VKORC1L1: variants seen among roughly 807,000 people sequenced by gnomAD.
The protein encoded by VKORC1L1 is vitamin K epoxide reductase complex subunit 1L1, also known as vitamin K epoxide reductase complex subunit 1-like protein 1.
In VKORC1L1, 2 loss-of-function variants were observed where a neutral mutation model predicts 18.9. The ratio of observed to expected loss-of-function variants is 0.11; its 90% CI spans 0.04 to 0.33. The LOEUF is 0.33. Ranked by LOEUF, VKORC1L1 falls within the 10% of genes least tolerant of loss-of-function variation. The pLI is 1.00. For missense variants in VKORC1L1, 123 were observed against 224.1 expected (o/e 0.55, Z 2.88); for synonymous variants, 96 against 100.0 (o/e 0.96, Z 0.24).
At chr7:65,905,064 TACAC>T (rs1419931882) in intron 1 of VKORC1L1, among the ~76,000 whole-genome samples, 1 of 151,994 alleles carries the variant, frequency 6.6e-6, no homozygotes, top group Non-Finnish European at 1.5e-5. Context: ...CCTACATACA[TACAC>T]ACACATATGC....
chr7:65,885,204 C>T lies in VKORC1L1; in HGVS notation c.194+11639C>T, dbSNP rs548820667. 2.1e-3 allele frequency among the ~76,000 whole-genome samples: 327 copies of T among 152,182 alleles called. 1 individual carries two copies. The highest frequency in any genetic ancestry group is 3.6e-3 in the Non-Finnish European group (247 of 68,004). ...AATTTTGCATTTCTTCTGGATATTG[C>T]CTGTTCATACCTTTGCCCATTTTTT... On this transcript the variant is annotated intron_variant, in intron 1 of 2. Transcript: ENST00000360768.
intron 1 of VKORC1L1, among the ~76,000 whole-genome samples, chr7:65,874,195 A>T (rs1053447908): frequency 6.6e-6 from 1 of 152,106 alleles, no homozygotes; most frequent in South Asian, 2.1e-4. Context: ...CCTACTGTGG[A>T]AGAAGATACC....
At chr7:65,901,337 G>A (rs1008226163) in intron 1 of VKORC1L1, among the ~76,000 whole-genome samples, 7 of 152,178 alleles carry the variant, frequency 4.6e-5, no homozygotes, top group Admixed American at 1.3e-4. Context: ...CAGCCTGGGT[G>A]AGAGTGAGAC....
chr7:65,935,167 T>C (rs755223882), intron 1 of VKORC1L1, among the ~76,000 whole-genome samples: 6 of 152,136 alleles, frequency 3.9e-5, no homozygotes, highest in Non-Finnish European at 5.9e-5. Context: ...GCATTTCTCA[T>C]AGTGCCAGTC....
chr7:65,897,492 CA>C (rs1459324346), intron 1 of VKORC1L1, among the ~76,000 whole-genome samples: 1 of 152,078 alleles, frequency 6.6e-6, no homozygotes, highest in Non-Finnish European at 1.5e-5. Context: ...TGTATTTACA[CA>C]ATGGGATATT....
chr7:65,887,137 C>T (rs1237725887), intron 1 of VKORC1L1, among the ~76,000 whole-genome samples: 2 of 152,084 alleles, frequency 1.3e-5, no homozygotes, highest in Non-Finnish European at 2.9e-5. Context: ...GCATGAGCCA[C>T]CATGCCTGGC....
intron 1 of VKORC1L1, among the ~76,000 whole-genome samples, chr7:65,914,938 C>T (rs773382751): frequency 5.9e-5 from 9 of 151,958 alleles, no homozygotes; most frequent in South Asian, 2.1e-4. Context: ...CCTAGGAGTT[C>T]GAGGCTGCAA....
intron 1 of VKORC1L1, among the ~76,000 whole-genome samples, chr7:65,939,068 C>T (rs1400577079): frequency 6.6e-6 from 1 of 152,160 alleles, no homozygotes; most frequent in Non-Finnish European, 1.5e-5. Context: ...TGGCATTAAA[C>T]AGGACACCGA....
At chr7:65,917,791 A>G (rs1457048799) in intron 1 of VKORC1L1, among the ~76,000 whole-genome samples, 1 of 152,210 alleles carries the variant, frequency 6.6e-6, no homozygotes. Flanking sequence ...TTTTGAGCCA[A>G]AATACACATA....
intron 1 of VKORC1L1, among the ~76,000 whole-genome samples, chr7:65,929,135 A>G (rs545792206): frequency 4.6e-5 from 7 of 152,194 alleles, no homozygotes; most frequent in Non-Finnish European, 1.0e-4. Context: ...AGGGCTGGGC[A>G]TGGTAGCTCA....
At chr7:65,902,610 T>A (rs1789336921) in intron 1 of VKORC1L1, among the ~76,000 whole-genome samples, 1 of 151,686 alleles carries the variant, frequency 6.6e-6, no homozygotes, top group African/African-American at 2.4e-5. Context: ...GACAAGAAAA[T>A]TCTCAAATTT....
intron 1 of VKORC1L1, among the ~76,000 whole-genome samples, chr7:65,929,057 T>C (rs372010635): frequency 6.6e-6 from 1 of 152,338 alleles, no homozygotes; most frequent in East Asian, 1.9e-4. Context: ...TGTTTAAATC[T>C]TTTGCCTTTA....
intron 1 of VKORC1L1, among the ~76,000 whole-genome samples, chr7:65,905,783 T>A (rs1253758102): frequency 1.3e-5 from 2 of 152,146 alleles, no homozygotes; most frequent in Admixed American, 1.3e-4. Flanking sequence ...AACCTTATGC[T>A]TGGTCCACGT....
At chr7:65,892,350 T>C (rs1393021442) in intron 1 of VKORC1L1, among the ~76,000 whole-genome samples, 2 of 152,238 alleles carry the variant, frequency 1.3e-5, no homozygotes, top group East Asian at 1.9e-4. Context: ...TTTAGTTTTT[T>C]TGAGGAACGT....
intron 1 of VKORC1L1, among the ~76,000 whole-genome samples, chr7:65,874,584 G>A (rs1236190961): frequency 6.6e-6 from 1 of 152,058 alleles, no homozygotes; most frequent in African/African-American, 2.4e-5. Flanking sequence ...GAGGCGGGTG[G>A]ATCATGAGGT....
chr7:65,942,050 G>T (rs1045733577), intron 1 of VKORC1L1, among the ~76,000 whole-genome samples: 6 of 152,130 alleles, frequency 3.9e-5, no homozygotes, highest in Non-Finnish European at 7.3e-5. Flanking sequence ...ACTTTATGAT[G>T]TATAATGATG....
chr7:65,879,129 C>T (rs538247104), intron 1 of VKORC1L1, among the ~76,000 whole-genome samples: 70 of 152,164 alleles, frequency 4.6e-4, no homozygotes, highest in Non-Finnish European at 8.4e-4. Context: ...GGAAGTATCA[C>T]GTATGCATCC....
intron 1 of VKORC1L1, among the ~76,000 whole-genome samples, chr7:65,876,520 GTTTAC>G (rs1355149208): frequency 2.7e-5 from 4 of 149,650 alleles, no homozygotes; most frequent in Non-Finnish European, 5.9e-5. Context: ...AAAAAAAAAA[GTTTAC>G]TTTCGTGTCC....
intron 1 of VKORC1L1, among the ~76,000 whole-genome samples, chr7:65,878,576 CT>C (rs1238253476): frequency 6.6e-6 from 1 of 152,020 alleles, no homozygotes; most frequent in Admixed American, 6.6e-5. Context: ...TTCCAGAGTA[CT>C]TATTTAAAGT....
Sources: allele counts gnomAD v4.1 joint callset (sites outside exome capture counted in the v4.1 genomes callset), GRCh38; gene constraint gnomAD v4.1.1; transcripts MANE v1.5; gene names NCBI Gene and HGNC (gene_info 2026-07-23, HGNC 2026-07-21).